GPRIN2: variants seen among roughly 807,000 people sequenced by gnomAD.
GPRIN2 encodes the protein G protein regulated inducer of neurite outgrowth 2.
GPRIN2 carries 1 observed loss-of-function variant against 0.3 expected under a neutral mutation model. The ratio of observed to expected loss-of-function variants is 3.90; its 90% confidence interval spans 1.39 to 18.51. The LOEUF is 18.51. GPRIN2 is among the 30% of genes most tolerant of loss of function. The probability of loss-of-function intolerance (pLI) is 0.11; values close to 1 mark genes in which losing one functional copy is unlikely to be tolerated. For missense variants in GPRIN2, 880 were observed against 604.2 expected, an observed-to-expected ratio of 1.46 and a Z score of -4.79; for synonymous variants, 361 against 258.6, an observed-to-expected ratio of 1.40 and a Z score of -3.80.
Position 46,543,186 on chromosome 10 carries a change from C to G in GPRIN2, c.*6174G>C, listed in dbSNP as rs896474914. 6.6e-6 allele frequency among the ~76,000 whole-genome samples: 1 copy of G among 152,308 alleles called. No individual in the cohort carries two copies. Among genetic ancestry groups the G allele is most frequent in the African/African-American group, 2.4e-5 (1 of 41,488 alleles). Reference sequence around the variant, plus strand: ...AGAAAGGGCCTAGACCCATGTAAATCACAAATGCCAAGACCCAGACACAGC... The same window carrying G: ...AGAAAGGGCCTAGACCCATGTAAATGACAAATGCCAAGACCCAGACACAGC... On this transcript the variant is annotated 3_prime_UTR_variant, in exon 3 of 3. Transcript: ENST00000374314.
At position 46,547,218 on chromosome 10, in the gene GPRIN2, C is replaced by A. The variant is rs577345369; in HGVS notation, c.*2142G>T. ...TTGCACACATGTGTGCCTGTGTATGCGTGTGTGTGCACGTGTATGAACCCA... is the reference window on the plus strand; with the variant it reads ...TTGCACACATGTGTGCCTGTGTATGAGTGTGTGTGCACGTGTATGAACCCA... On this transcript the variant is annotated 3_prime_UTR_variant, in exon 3 of 3. Transcript: ENST00000374314. Among the ~76,000 whole-genome samples, 2 of 152,308 alleles carry A rather than the reference C, an allele frequency of 1.3e-5. No individual in the cohort carries two copies. Among genetic ancestry groups the A allele is most frequent in the Non-Finnish European group, 2.9e-5 (2 of 68,056 alleles).
chr10:46,551,564 C>T (rs1209092895), intron 2 of GPRIN2: 1 of 945,714 alleles, frequency 1.1e-6, no homozygotes, highest in East Asian at 1.2e-4. Flanking sequence ...TCATTCAGAC[C>T]TTTCTGTACC....
At chr10:46,555,967 T>C (rs1831866800) in intron 1 of GPRIN2, among the ~76,000 whole-genome samples, 1 of 152,306 alleles carries the variant, frequency 6.6e-6, no homozygotes, top group African/African-American at 2.4e-5. Flanking sequence ...TCGCCCAGAA[T>C]AGCTCCCCTC....
Position 46,550,452 on chromosome 10 carries a change from C to T in GPRIN2, c.285G>A (p.Val95=), listed in dbSNP as rs1842494691. ...SAGGHWWSST[V]GNVSTMGGSD... ...TGCCGCCCATGGTGGACACATTGCC[C>T]ACAGTGCTGCTCCACCAGTGGCCTC... Residue 95 remains valine (V), a synonymous_variant, in exon 3 of 3, where the codon GTG becomes GTA. Coordinates refer to ENST00000374314, the MANE Select transcript of GPRIN2 (RefSeq NM_001385282.1). 1 of 1,611,772 alleles carries T rather than the reference C, an allele frequency of 6.2e-7. No homozygotes were observed. The highest frequency in any genetic ancestry group is 1.3e-5 in the African/African-American group (1 of 74,962).
rs1196440856 is a variant in GPRIN2, at chr10:46,545,998, CT to C, written c.*3361del. Among the ~76,000 whole-genome samples the C allele has an allele frequency of 2.0e-5, 3 of 152,306 alleles. No homozygotes were observed. The highest frequency in any genetic ancestry group is 4.4e-5 in the Non-Finnish European group (3 of 68,054). On this transcript the variant is annotated 3_prime_UTR_variant, in exon 3 of 3. Coordinates refer to ENST00000374314, the MANE Select transcript of GPRIN2 (RefSeq NM_001385282.1). ...CAACCCCAGCCCAAAGTGTTGGGAC[CT>C]GCGTGTAGAAGACCCCTTCAGCCCT... is the stretch of plus-strand genomic sequence containing the variant.
intron 2 of GPRIN2, among the ~76,000 whole-genome samples, chr10:46,552,056 G>T (rs933268478): frequency 6.6e-6 from 1 of 152,312 alleles, no homozygotes. Flanking sequence ...AGGGCACTGA[G>T]TGCCAAAAAT....
rs1833040581 is a variant in GPRIN2 at position 46,543,199 on chromosome 10, A to T, written c.*6161T>A. ...ACCCATGTAAATCACAAATGCCAAGACCCAGACACAGCCACAGCTGGGGGC... is the reference window on the plus strand; with the variant it reads ...ACCCATGTAAATCACAAATGCCAAGTCCCAGACACAGCCACAGCTGGGGGC... On this transcript the variant is annotated 3_prime_UTR_variant, in exon 3 of 3. Coordinates refer to ENST00000374314, the MANE Select transcript of GPRIN2 (RefSeq NM_001385282.1). Among the ~76,000 whole-genome samples, 39 of 152,396 alleles carry T rather than the reference A, an allele frequency of 2.6e-4. No homozygotes were observed. In the East Asian group the frequency reaches 5.0e-3, roughly 20 times the overall value.
Position 46,542,515 on chromosome 10 carries a change from A to G in GPRIN2, c.*6845T>C, listed in dbSNP as rs1450538459. ...CATTTTCCTTCCTGCTGCCTTGTGA[A>G]GAAGGTGCCTTGCTTCTCCTTCGCT... On this transcript the variant is annotated 3_prime_UTR_variant, in exon 3 of 3. Coordinates refer to ENST00000374314, the MANE Select transcript of GPRIN2 (RefSeq NM_001385282.1). Among the ~76,000 whole-genome samples, 3 of 152,312 alleles carry G rather than the reference A, an allele frequency of 2.0e-5. No individual in the cohort carries two copies. Among genetic ancestry groups the G allele is most frequent in the Non-Finnish European group, 4.4e-5 (3 of 68,058 alleles).
rs1841972563 is a variant in GPRIN2 at position 46,544,316 on chromosome 10, CTTCT to C, written c.*5040_*5043del. Among the ~76,000 whole-genome samples the C allele has an allele frequency of 6.6e-6, 1 of 152,310 alleles. No individual in the cohort carries two copies. The highest frequency in any genetic ancestry group is 2.4e-5 in the African/African-American group (1 of 41,488). On this transcript the variant is annotated 3_prime_UTR_variant, in exon 3 of 3. Transcript: ENST00000374314. Reference sequence around the variant, plus strand: ...CAAGGGCAAGAAGGTAGAGTCCATACTTCTTTCTTGTCTTTTTCTTTTTTTGAAA... The same window carrying C: ...CAAGGGCAAGAAGGTAGAGTCCATACTTCTTGTCTTTTTCTTTTTTTGAAA...
chr10:46,554,508 T>C (rs1831991765), intron 2 of GPRIN2, 77 bp downstream of exon 2: 13,051 of 142,944 alleles, frequency 0.091, 2 homozygotes, highest in African/African-American at 0.13. Flanking sequence ...AAAGGGACCC[T>C]CGGAAGATCT....
In GPRIN2 at chr10:46,545,154, C is replaced by G. The variant is rs201893682; in HGVS notation, c.*4206G>C. ...GGGTTGGGCATTTGTGGGCTACAAG[C>G]TTGGCATGACATGGATGCAAATGTC... On this transcript the variant is annotated 3_prime_UTR_variant, in exon 3 of 3. Coordinates refer to ENST00000374314, the MANE Select transcript of GPRIN2 (RefSeq NM_001385282.1). Among the ~76,000 whole-genome samples the G allele has an allele frequency of 2.0e-5, 3 of 152,000 alleles. No individual in the cohort carries two copies. The highest frequency in any genetic ancestry group is 7.2e-5 in the African/African-American group (3 of 41,446).
rs1400354011 is a variant in GPRIN2, at chr10:46,547,311, T to G, written c.*2049A>C. On this transcript the variant is annotated 3_prime_UTR_variant, in exon 3 of 3. Coordinates refer to ENST00000374314, the MANE Select transcript of GPRIN2 (RefSeq NM_001385282.1). ...TTGGTGTCACCTGGCACATCTCCAC[T>G]GGAAGCCAAATGGATATTTCTAAAC... 6.6e-6 allele frequency among the ~76,000 whole-genome samples: 1 copy of G among 152,312 alleles called. No individual in the cohort carries two copies. Among genetic ancestry groups the G allele is most frequent in the Admixed American group, 6.5e-5 (1 of 15,294 alleles).
rs1832553855 is a variant in GPRIN2, at chr10:46,549,909, C to A, written c.828G>T (p.Val276=). The change falls in exon 3 of 3, where the codon GTG becomes GTT. Residue 276 remains valine (V), a synonymous_variant. Coordinates refer to ENST00000374314, the MANE Select transcript of GPRIN2 (RefSeq NM_001385282.1). ...SESGLQAQHG[V]KIHCRLSGGL... ...CCCCAGACAACCTACAGTGGATCTT[C>A]ACCCCATGCTGAGCCTGCAGCCCAG... 1 of 1,614,286 alleles carries A rather than the reference C, an allele frequency of 6.2e-7. No individual in the cohort carries two copies. Among genetic ancestry groups the A allele is most frequent in the Non-Finnish European group, 8.5e-7 (1 of 1,180,058 alleles).
rs1342926221 is a variant in GPRIN2, at chr10:46,542,629, T to C, written c.*6731A>G. On this transcript the variant is annotated 3_prime_UTR_variant, in exon 3 of 3. Transcript: ENST00000374314. ...TGGAACTGTGAGTCAATTAAACCTC[T>C]TTCCTTTATAAATTACCCAGTCTCA... 1.3e-5 allele frequency among the ~76,000 whole-genome samples: 2 copies of C among 152,302 alleles called. No homozygotes were observed. The highest frequency in any genetic ancestry group is 2.9e-5 in the Non-Finnish European group (2 of 68,052).
chr10:46,555,853 G>A (rs1843145364), intron 1 of GPRIN2, among the ~76,000 whole-genome samples: 1 of 152,428 alleles, frequency 6.6e-6, no homozygotes, highest in East Asian at 1.9e-4. Context: ...GGGACACACA[G>A]GCCCGTATGC....
At chr10:46,555,858 G>T (rs551915562) in intron 1 of GPRIN2, among the ~76,000 whole-genome samples, 3 of 152,430 alleles carry the variant, frequency 2.0e-5, no homozygotes, top group South Asian at 2.1e-4. Flanking sequence ...ACACAGGCCC[G>T]TATGCAGTAA....
chr10:46,551,517 A>G (rs1292580007), intron 2 of GPRIN2: 3 of 985,148 alleles, frequency 3.0e-6, no homozygotes, highest in Non-Finnish European at 3.6e-6. Context: ...CTGAGCCCCT[A>G]CTGCGTGCCC....
At position 46,550,111 on chromosome 10, in the gene GPRIN2, C is replaced by T. The variant is rs1832480599; in HGVS notation, c.626G>A (p.Ser209Asn). Residue 209 changes from serine to asparagine, a missense_variant, in exon 3 of 3, where the codon AGC (serine) becomes AAC (asparagine). Transcript: ENST00000374314. ...LDLGDTTAHS[S>N]SAQAEPKAAE... ...AGCTTTGGGCTCAGCCTGGGCACTGCTGCTGTGGGCAGTTGTGTCCCCCAG... is the reference window on the plus strand; with the variant it reads ...AGCTTTGGGCTCAGCCTGGGCACTGTTGCTGTGGGCAGTTGTGTCCCCCAG... 1.2e-5 allele frequency: 20 copies of T among 1,610,802 alleles called. No homozygotes were observed. Among genetic ancestry groups the T allele is most frequent in the Admixed American group, 1.7e-5 (1 of 59,938 alleles).
chr10:46,556,362 G>C (rs921751566), intron 1 of GPRIN2, among the ~76,000 whole-genome samples, 136 bp downstream of exon 1: 9 of 152,420 alleles, frequency 5.9e-5, no homozygotes, highest in African/African-American at 2.2e-4. Flanking sequence ...GGGGCTCTGG[G>C]CGCTGGGCAG....
Sources: gnomAD v4.1 joint callset for allele counts (sites outside exome capture counted in the v4.1 genomes callset) on GRCh38, gnomAD v4.1.1 for gene constraint, MANE v1.5 for transcripts, NCBI Gene and HGNC (gene_info 2026-07-23, HGNC 2026-07-21) for gene names.